The following C6orf89 variants were observed in gnomAD, a reference collection of about 807,000 sequenced individuals.
C6orf89 encodes the protein chromosome 6 open reading frame 89, also known as bombesin receptor-activated protein C6orf89.
Under a neutral mutation model 40.7 loss-of-function variants are expected in C6orf89, and 29 were observed. That is an observed-to-expected ratio of 0.71 (90% CI 0.53 to 0.97). The LOEUF is 0.97. C6orf89 is among the 50% of genes least tolerant of loss of function. The probability of loss-of-function intolerance (pLI) is 0.00; values close to 1 mark genes in which losing one functional copy is unlikely to be tolerated. For synonymous variants in C6orf89, 165 were observed against 152.2 expected (o/e 1.08, Z -0.62); for missense variants, 392 against 429.1 (o/e 0.91, Z 0.76).
chr6:36,872,966 T>C (rs141437874), intron 1 of C6orf89, among the ~76,000 whole-genome samples: 2 of 152,202 alleles, frequency 1.3e-5, no homozygotes, highest in African/African-American at 4.8e-5. Flanking sequence ...TTGCACAGTG[T>C]AAACACTCTA....
chr6:36,928,254 G>A lies in C6orf89; in HGVS notation c.*4813G>A, dbSNP rs1406927618. 1 of 152,258 alleles carries A rather than the reference G, an allele frequency of 6.6e-6. No homozygotes were observed. Among genetic ancestry groups the A allele is most frequent in the Non-Finnish European group, 1.5e-5 (1 of 68,092 alleles). 9.4% of individuals were successfully genotyped at this position (152,258 alleles called of 1,614,324 possible). On this transcript the variant is annotated 3_prime_UTR_variant, in exon 9 of 9. Transcript: ENST00000480824. ...GCAGCAGCCATCAATCCAAGAATGA[G>A]CCATGGCGGCAAGCACTGTGTGGAG... is the stretch of plus-strand genomic sequence containing the variant.
In C6orf89 at chr6:36,871,968, G is replaced by A; in HGVS notation, c.-628+1G>A. On this transcript the variant is annotated splice_donor_variant, in intron 1 of 9. Coordinates refer to the C6orf89 transcript ENST00000359359. LOFTEE classifies it low-confidence loss of function (5UTR_SPLICE). ...TCCAGGACTCTTGATTTTCAAGCTT[G>A]TAAGTCATGAAATTGTGATAACCAC... 2.6e-6 allele frequency: 3 copies of A among 1,168,152 alleles called. No homozygotes were observed. The highest frequency in any genetic ancestry group is 3.4e-6 in the Non-Finnish European group (3 of 879,090). The allele number at this position is 1,168,152 out of a possible 1,614,324, so 72.4% of individuals were successfully genotyped here. A position where few individuals can be genotyped will look rare whatever the true frequency, so the allele number is the denominator to read the frequency against.
intron 4 of C6orf89, among the ~76,000 whole-genome samples, chr6:36,913,371 C>G (rs993535269): frequency 1.3e-5 from 2 of 152,220 alleles, no homozygotes; most frequent in African/African-American, 4.8e-5. Context: ...ATGCAATTCA[C>G]TTTATTCCAA....
chr6:36,914,613 G>A lies in C6orf89; in HGVS notation c.615G>A (p.Ala205=). 3 of 1,614,238 alleles carry A rather than the reference G, an allele frequency of 1.9e-6. No individual in the cohort carries two copies. The highest frequency in any genetic ancestry group is 4.5e-5 in the East Asian group (2 of 44,878). The part of the protein sequence containing the change: ...IQHFLCQYPE[A]TEGFSEGFFA... ...ATTTTTTGTGCCAGTACCCTGAGGCGACAGAAGGCTTCTCTGAAGGGTTTT... is the reference window on the plus strand; with the variant it reads ...ATTTTTTGTGCCAGTACCCTGAGGCAACAGAAGGCTTCTCTGAAGGGTTTT... Residue 205 remains alanine (A), a synonymous_variant, in exon 6 of 9, where the codon GCG becomes GCA. Coordinates refer to ENST00000480824, the MANE Select transcript of C6orf89 (RefSeq NM_001286635.2).
chr6:36,911,147 C>A (rs1288843006), intron 4 of C6orf89, among the ~76,000 whole-genome samples: 1 of 152,132 alleles, frequency 6.6e-6, no homozygotes, highest in Non-Finnish European at 1.5e-5. Flanking sequence ...GGGATCTCCA[C>A]CTGGAAATCC....
intron 6 of C6orf89, among the ~76,000 whole-genome samples, 178 bp from the exon 7 acceptor site, chr6:36,916,267 T>TTA (rs1411867858): frequency 6.6e-6 from 1 of 152,248 alleles, no homozygotes; most frequent in Non-Finnish European, 1.5e-5. Context: ...TGTGTACACA[T>TTA]TATAGTTCAT....
chr6:36,923,291 C>A, intron 8 of C6orf89, 56 bp from the exon 9 acceptor site: 1 of 1,389,988 alleles, frequency 7.2e-7, no homozygotes, highest in Non-Finnish European at 1.0e-6. Flanking sequence ...CTCGTGCCCA[C>A]AGGTGTGCCC....
At chr6:36,885,894 A>G, upstream of C6orf89, 1 of 636,792 alleles carries the variant, frequency 1.6e-6, no homozygotes, top group Non-Finnish European at 2.1e-6. Flanking sequence ...GAATTACTCT[A>G]GGGTACAAGG....
At position 36,923,607 on chromosome 6, in the gene C6orf89, G is replaced by C. The variant is rs751840570; in HGVS notation, c.*166G>C. 1 of 678,266 alleles carries C rather than the reference G, an allele frequency of 1.5e-6. No homozygotes were observed. The highest frequency in any genetic ancestry group is 1.5e-5 in the South Asian group (1 of 65,426). 42.0% of individuals were successfully genotyped at this position (678,266 alleles called of 1,614,324 possible). A position where few individuals can be genotyped will look rare whatever the true frequency, so the allele number is the denominator to read the frequency against. On this transcript the variant is annotated 3_prime_UTR_variant, in exon 9 of 9. Transcript: ENST00000480824. ...TGTGAGCTGCAAGGCAGTGGCCAGA[G>C]CCTCGCCCTCCTGACTCTTCCTGCA...
At chr6:36,905,163 A>G (rs575001830) in intron 4 of C6orf89, among the ~76,000 whole-genome samples, 1 of 152,308 alleles carries the variant, frequency 6.6e-6, no homozygotes, top group African/African-American at 2.4e-5. Flanking sequence ...AATCTTGACA[A>G]CATCCCTATA....
intron 1 of C6orf89, among the ~76,000 whole-genome samples, chr6:36,874,399 C>T (rs1450206154): frequency 6.6e-6 from 1 of 152,238 alleles, no homozygotes; most frequent in Non-Finnish European, 1.5e-5. Flanking sequence ...ACCTCTGTAT[C>T]CTCAGAACTC....
intron 2 of C6orf89, among the ~76,000 whole-genome samples, chr6:36,898,793 G>T (rs1054247469): frequency 6.6e-6 from 1 of 151,972 alleles, no homozygotes; most frequent in African/African-American, 2.4e-5. Flanking sequence ...AATTGTATTT[G>T]TAGAAAAGCA....
chr6:36,902,531 C>T, intron 4 of C6orf89, 97 bp downstream of exon 4: 1 of 1,046,462 alleles, frequency 9.6e-7, no homozygotes, highest in Middle Eastern at 2.2e-4. Flanking sequence ...GAGAGGCAAG[C>T]TCCCTATATT....
At chr6:36,884,684 C>T (rs1393597903), upstream of C6orf89, among the ~76,000 whole-genome samples, 3 of 152,130 alleles carry the variant, frequency 2.0e-5, no homozygotes, top group Admixed American at 2.0e-4. The surrounding 1 kb of genome is among the most constrained non-coding windows in gnomAD (Gnocchi z 4.0). Context: ...AAGTAAGAAC[C>T]TGGCCAAAAG....
chr6:36,922,116 C>T (rs997573085), intron 8 of C6orf89, among the ~76,000 whole-genome samples: 1 of 152,070 alleles, frequency 6.6e-6, no homozygotes, highest in Non-Finnish European at 1.5e-5. Flanking sequence ...GCGGGCAGAT[C>T]ACCTGAGGTC....
At chr6:36,876,191 G>A (rs1248021443) in intron 1 of C6orf89, among the ~76,000 whole-genome samples, 1 of 152,130 alleles carries the variant, frequency 6.6e-6, no homozygotes, top group African/African-American at 2.4e-5. Context: ...TCTTTACTGT[G>A]TATCTCGGGA....
chr6:36,892,681 G>A (rs1451734925), intron 1 of C6orf89: 2 of 152,200 alleles, frequency 1.3e-5, no homozygotes, highest in Non-Finnish European at 2.9e-5. Flanking sequence ...ACTCCTAACA[G>A]TTCTGGCAAC....
At chr6:36,897,688 G>A (rs2150688450) in intron 2 of C6orf89, among the ~76,000 whole-genome samples, 1 of 152,294 alleles carries the variant, frequency 6.6e-6, no homozygotes, top group East Asian at 1.9e-4. Context: ...TAATGTGCAA[G>A]CCAGGTTAAG....
In C6orf89 at chr6:36,926,589, GGGAAA is replaced by G. The variant is rs1321227117; in HGVS notation, c.*3151_*3155del. ...AGAGAGAAAAGAAGAGGGGAGGGGA[GGGAAA>G]GGGAAGGGAGGGGAGGGGAGGAGAG... On this transcript the variant is annotated 3_prime_UTR_variant, in exon 9 of 9. Transcript: ENST00000480824. 3 of 132,074 alleles carry G rather than the reference GGGAAA, an allele frequency of 2.3e-5. 1 individual carries two copies. The highest frequency in any genetic ancestry group is 2.3e-4 in the East Asian group (1 of 4,294). The allele number at this position is 132,074 out of a possible 1,614,324, so 8.2% of individuals were successfully genotyped here. A position where few individuals can be genotyped will look rare whatever the true frequency, so the allele number is the denominator to read the frequency against.
Sources: gnomAD v4.1 joint callset for allele counts (sites outside exome capture counted in the v4.1 genomes callset) on GRCh38, gnomAD v4.1.1 for gene constraint, Gnocchi (gnomAD v3.1) non-coding constraint, MANE v1.5 for transcripts, NCBI Gene and HGNC (gene_info 2026-07-23, HGNC 2026-07-21) for gene names.